SLC44A5: variants seen among roughly 807,000 people sequenced by gnomAD.
SLC44A5 encodes solute carrier family 44 member 5, also known as choline transporter-like protein 5.
Under a neutral mutation model 101.8 loss-of-function variants are expected in SLC44A5, and 57 were observed. The observed-to-expected ratio is 0.56, with a 90% confidence interval of 0.45 to 0.70. The LOEUF (loss-of-function observed/expected upper bound fraction) is 0.70, where lower values mean the gene tolerates loss of function less well. Ranked by LOEUF, SLC44A5 falls within the 30% of genes least tolerant of loss-of-function variation. The probability of loss-of-function intolerance (pLI) is 0.00; values close to 1 mark genes in which losing one functional copy is unlikely to be tolerated. For missense variants in SLC44A5, 737 were observed against 853.1 expected (o/e 0.86, Z 1.70); for synonymous variants, 281 against 290.9 (o/e 0.97, Z 0.35).
chr1:75,563,777 A>G (rs956726284), intron 1 of SLC44A5, among the ~76,000 whole-genome samples: 6 of 152,138 alleles, frequency 3.9e-5, no homozygotes, highest in African/African-American at 1.4e-4. Context: ...TAGTTGTTCT[A>G]TTGCATTATA....
chr1:75,362,933 A>G (rs1160969788), intron 3 of SLC44A5, among the ~76,000 whole-genome samples: 1 of 152,210 alleles, frequency 6.6e-6, no homozygotes, highest in South Asian at 2.1e-4. Context: ...TTGAAGTCCC[A>G]TAATATTATT....
intron 8 of SLC44A5, among the ~76,000 whole-genome samples, chr1:75,242,520 T>A (rs11162888): frequency 2.8e-3 from 430 of 152,072 alleles, no homozygotes; most frequent in Admixed American, 3.9e-3. Context: ...GAAATAAAAT[T>A]CTACTTGTTA....
Position 75,214,621 on chromosome 1 carries a change from T to A in SLC44A5, c.1786A>T (p.Met596Leu), listed in dbSNP as rs1646925101. 2 of 1,611,816 alleles carry A rather than the reference T, an allele frequency of 1.2e-6. No individual in the cohort carries two copies. The highest frequency in any genetic ancestry group is 1.7e-6 in the Non-Finnish European group (2 of 1,178,818). Residue 596 changes from methionine (M) to leucine (L), a missense_variant, in exon 20 of 24, where the codon ATG becomes TTG. Around this residue, in one of 3 missense-constraint regions of SLC44A5, gnomAD observed 665 missense variants for 764.4 expected, o/e 0.87. Transcript: ENST00000370859. The stretch of plus-strand genomic sequence containing the variant: ...ATTACTTACTTCAAAACATTTCTCA[T>A]CAGCAGATTGAAAGCATCTTTTGCT... ...RSAKDAFNLLMRNVLKVAVTD... is the reference protein window; with the variant it reads ...RSAKDAFNLLLRNVLKVAVTD...
intron 2 of SLC44A5, among the ~76,000 whole-genome samples, chr1:75,476,428 C>T (rs1043762338): frequency 2.1e-4 from 31 of 150,698 alleles, no homozygotes; most frequent in African/African-American, 5.7e-4. Flanking sequence ...GCACCGTGCA[C>T]GAGCCGAAGC....
chr1:75,644,796 C>A, the SLC44A5 span, among the ~76,000 whole-genome samples: 3 of 150,420 alleles, frequency 2.0e-5, no homozygotes, highest in African/African-American at 4.9e-5. Context: ...CACCTCCCCC[C>A]ACCCCACAAC....
upstream of SLC44A5, among the ~76,000 whole-genome samples, chr1:75,615,432 TACATACACACAC>T (rs1234508821): frequency 1.0e-4 from 8 of 77,010 alleles, no homozygotes; most frequent in Admixed American, 2.5e-4. Context: ...CACACACACA[TACATACACACAC>T]ACACACACAC....
the SLC44A5 span, among the ~76,000 whole-genome samples, chr1:75,679,827 A>G: frequency 3.3e-5 from 5 of 149,766 alleles, no homozygotes; most frequent in Middle Eastern, 3.5e-3. Context: ...CAAATTGGAT[A>G]AAGAGTCAAG....
intron 3 of SLC44A5, among the ~76,000 whole-genome samples, chr1:75,363,414 G>A (rs1419602534): frequency 6.6e-6 from 1 of 151,820 alleles, no homozygotes; most frequent in African/African-American, 2.4e-5. Context: ...TTCTGTGGTG[G>A]TATGCTTTGA....
At chr1:75,496,573 T>C (rs1668683014) in intron 2 of SLC44A5, among the ~76,000 whole-genome samples, 1 of 148,234 alleles carries the variant, frequency 6.7e-6, no homozygotes, top group Non-Finnish European at 1.5e-5. Flanking sequence ...TTTTTGCATA[T>C]GACATCACAA....
At chr1:75,330,106 TACACACACACACACAC>T (rs59962302) in intron 4 of SLC44A5, among the ~76,000 whole-genome samples, 60 of 128,646 alleles carry the variant, frequency 4.7e-4, no homozygotes, top group African/African-American at 1.4e-3. Context: ...TATATATATA[TACACACACACACACAC>T]ACACACACAC....
At chr1:75,619,979 C>A in the SLC44A5 span, among the ~76,000 whole-genome samples, 1 of 152,138 alleles carries the variant, frequency 6.6e-6, no homozygotes, top group East Asian at 1.9e-4. Context: ...CTATCCCTCC[C>A]CTAGTCCCCC....
chr1:75,640,014 G>T, the SLC44A5 span, among the ~76,000 whole-genome samples: 2 of 152,008 alleles, frequency 1.3e-5, no homozygotes, highest in African/African-American at 4.8e-5. Flanking sequence ...TTAGGTCGTT[G>T]TACTGAAAGG....
At chr1:75,512,160 T>C (rs1219161205) in intron 2 of SLC44A5, among the ~76,000 whole-genome samples, 1 of 152,172 alleles carries the variant, frequency 6.6e-6, no homozygotes, top group African/African-American at 2.4e-5. Context: ...ATATATAATC[T>C]ACTTTAAGGA....
At chr1:75,396,288 T>A (rs903304468) in intron 3 of SLC44A5, among the ~76,000 whole-genome samples, 1 of 152,084 alleles carries the variant, frequency 6.6e-6, no homozygotes, top group African/African-American at 2.4e-5. Context: ...AGTCACAAAC[T>A]GAGCTGAAAG....
chr1:75,203,941 T>TTG lies in SLC44A5; in HGVS notation c.2048-109_2048-108insCA, dbSNP rs1553138908. 2,472 of 1,232,122 alleles carry TTG rather than the reference T, an allele frequency of 2.0e-3. 6 individuals carry two copies. The highest frequency in any genetic ancestry group is 3.1e-3 in the East Asian group (103 of 33,330). 76.3% of individuals were successfully genotyped at this position (1,232,122 alleles called of 1,614,324 possible). On this transcript the variant is annotated intron_variant, in intron 23 of 23. Coordinates refer to ENST00000370859, the MANE Select transcript of SLC44A5 (RefSeq NM_001130058.2). ...ACAGCAGTTCAAAATCCTTTTGTTG[T>TTG]TTTTTTTTTGTTGTTGTTTTTTAAA... is the stretch of plus-strand genomic sequence containing the variant.
At chr1:75,506,390 A>G (rs1669258250) in intron 2 of SLC44A5, among the ~76,000 whole-genome samples, 2 of 152,112 alleles carry the variant, frequency 1.3e-5, no homozygotes, top group Admixed American at 1.3e-4. Context: ...TCTATGAAAA[A>G]TGATGTTGAT....
At chr1:75,669,762 T>A in the SLC44A5 span, among the ~76,000 whole-genome samples, 1 of 152,000 alleles carries the variant, frequency 6.6e-6, no homozygotes, top group East Asian at 1.9e-4. Flanking sequence ...TTTAAATAAA[T>A]AAAATACTTG....
chr1:75,549,796 C>A (rs1437532908), intron 1 of SLC44A5, among the ~76,000 whole-genome samples: 1 of 152,108 alleles, frequency 6.6e-6, no homozygotes, highest in African/African-American at 2.4e-5. Flanking sequence ...TAAAAATGAA[C>A]TAGCTTGCGA....
intron 1 of SLC44A5, among the ~76,000 whole-genome samples, chr1:75,560,549 A>G (rs1274766174): frequency 1.3e-5 from 2 of 152,232 alleles, no homozygotes; most frequent in African/African-American, 4.8e-5. Context: ...TAAAAGAAAA[A>G]TGAAATTGGA....
Sources: gnomAD v4.1 joint callset for allele counts (sites outside exome capture counted in the v4.1 genomes callset) on GRCh38, gnomAD v4.1.1 for gene constraint, gnomAD v4.1.1 regional missense constraint, MANE v1.5 for transcripts, NCBI Gene and HGNC (gene_info 2026-07-23, HGNC 2026-07-21) for gene names.